Variants in REEP3 observed in about 807,000 individuals in gnomAD.
REEP3 encodes the protein receptor expression-enhancing protein 3.
In REEP3, 20 loss-of-function variants were observed where a neutral mutation model predicts 41.3. The ratio of observed to expected loss-of-function variants is 0.48; its 90% CI spans 0.34 to 0.70. REEP3 has a LOEUF of 0.70. Ranked by LOEUF, REEP3 falls within the 30% of genes least tolerant of loss-of-function variation. The pLI is 0.01. For missense variants in REEP3, 271 were observed against 308.8 expected (o/e 0.88, Z 0.92); for synonymous variants, 104 against 101.8 (o/e 1.02, Z -0.13).
intron 1 of REEP3, among the ~76,000 whole-genome samples, chr10:63,534,353 C>T (rs1955455160): frequency 6.6e-6 from 1 of 152,082 alleles, no homozygotes; most frequent in South Asian, 2.1e-4. Context: ...TGGGCTCCAG[C>T]GATCTTCCTG....
At chr10:63,612,790 C>CAA (rs759334481) in intron 6 of REEP3, among the ~76,000 whole-genome samples, 1 of 125,810 alleles carries the variant, frequency 7.9e-6, no homozygotes, top group Non-Finnish European at 1.7e-5. Flanking sequence ...GACTCCATCT[C>CAA]AAAAAAAAAA....
At chr10:63,555,261 T>C (rs1004842485) in intron 1 of REEP3, among the ~76,000 whole-genome samples, 3 of 152,202 alleles carry the variant, frequency 2.0e-5, no homozygotes, top group African/African-American at 7.2e-5. Context: ...TGTTGTTTTT[T>C]TCCCCATGGG....
In REEP3 at chr10:63,607,134, C is replaced by T. The variant is rs571961208; in HGVS notation, c.418-3053C>T. Among the ~76,000 whole-genome samples the T allele has an allele frequency of 7.9e-5, 12 of 152,222 alleles. No homozygotes were observed. The South Asian group carries it at 8.3e-4, about 11-fold the overall frequency. On this transcript the variant is annotated intron_variant, in intron 5 of 7. Transcript: ENST00000373758. Reference sequence around the variant, plus strand: ...GGTTACATTGGATACATGTAATTTACGTAATGTTTTCAAAGTCCACAATAT... The same window carrying T: ...GGTTACATTGGATACATGTAATTTATGTAATGTTTTCAAAGTCCACAATAT...
chr10:63,524,680 A>G (rs1263840046), intron 1 of REEP3, among the ~76,000 whole-genome samples: 1 of 152,102 alleles, frequency 6.6e-6, no homozygotes, highest in Non-Finnish European at 1.5e-5. Flanking sequence ...TCCTAGCCTC[A>G]AGTGATCCGC....
At chr10:63,535,733 G>A (rs1384668582) in intron 1 of REEP3, among the ~76,000 whole-genome samples, 2 of 151,818 alleles carry the variant, frequency 1.3e-5, no homozygotes, top group Non-Finnish European at 2.9e-5. Context: ...AAAATCAATG[G>A]GAAAGTATAC....
In REEP3 at chr10:63,624,605, A is replaced by T. The variant is rs1177871985; in HGVS notation, c.*3736A>T. On this transcript the variant is annotated 3_prime_UTR_variant, in exon 8 of 8. Transcript: ENST00000373758. ...CGCGTTTCTTTTTTTATGCCAGAGT[A>T]CATATGTTGGATTCCATGAATTGGT... is the stretch of plus-strand genomic sequence containing the variant. The T allele has an allele frequency of 6.6e-6, 1 of 152,126 alleles. No homozygotes were observed. The highest frequency in any genetic ancestry group is 1.5e-5 in the Non-Finnish European group (1 of 67,978). 9.4% of individuals were successfully genotyped at this position (152,126 alleles called of 1,614,324 possible).
chr10:63,543,965 C>T (rs1206299925), intron 1 of REEP3, among the ~76,000 whole-genome samples: 1 of 151,996 alleles, frequency 6.6e-6, no homozygotes, highest in African/African-American at 2.4e-5. Flanking sequence ...AACAACTTGC[C>T]CAAAGTCACA....
intron 2 of REEP3, among the ~76,000 whole-genome samples, chr10:63,568,369 C>T (rs921763927): frequency 1.5e-4 from 22 of 151,646 alleles, no homozygotes; most frequent in Admixed American, 2.6e-4. Context: ...CGGGTTCACG[C>T]CATTCTCCTG....
intron 1 of REEP3, among the ~76,000 whole-genome samples, chr10:63,555,270 G>A (rs1416835327): frequency 2.6e-5 from 4 of 151,882 alleles, no homozygotes; most frequent in Non-Finnish European, 2.9e-5. Flanking sequence ...TTTCCCCATG[G>A]GTTTGACTCT....
intron 1 of REEP3, among the ~76,000 whole-genome samples, chr10:63,559,635 T>C (rs1387295776): frequency 6.6e-6 from 1 of 152,218 alleles, no homozygotes; most frequent in Admixed American, 6.5e-5. Flanking sequence ...ACAAATTATA[T>C]GACCTTGGGT....
chr10:63,618,016 G>C (rs910972772), intron 6 of REEP3, among the ~76,000 whole-genome samples: 2 of 150,758 alleles, frequency 1.3e-5, no homozygotes, highest in African/African-American at 4.9e-5. Context: ...GTAGAGTCGG[G>C]TGTTTCACCA....
At chr10:63,566,264 A>G in intron 1 of REEP3, 74 bp from the exon 2 acceptor site, 4 of 768,222 alleles carry the variant, frequency 5.2e-6, no homozygotes, top group South Asian at 5.0e-5. Context: ...TTATTTGTTT[A>G]TTAGGTTAAA....
chr10:63,605,636 G>A (rs1475273839), intron 5 of REEP3, among the ~76,000 whole-genome samples: 1 of 152,204 alleles, frequency 6.6e-6, no homozygotes, highest in Non-Finnish European at 1.5e-5. Context: ...TAATGTTAAT[G>A]TAGTGTTTAA....
intron 5 of REEP3, among the ~76,000 whole-genome samples, chr10:63,603,115 C>T (rs1956188293): frequency 6.6e-6 from 1 of 151,446 alleles, no homozygotes; most frequent in South Asian, 2.1e-4. Flanking sequence ...AGATTGAGAC[C>T]ATCCTGGCTA....
At chr10:63,575,296 A>T (rs1453275492) in intron 2 of REEP3, among the ~76,000 whole-genome samples, 1 of 152,124 alleles carries the variant, frequency 6.6e-6, no homozygotes, top group Non-Finnish European at 1.5e-5. Flanking sequence ...TTTTCTCCCC[A>T]TTCAGGAAGC....
At chr10:63,564,968 A>G (rs1955783197) in intron 1 of REEP3, among the ~76,000 whole-genome samples, 1 of 152,204 alleles carries the variant, frequency 6.6e-6, no homozygotes, top group African/African-American at 2.4e-5. Context: ...GACATTGAGA[A>G]TAATACTGGC....
intron 1 of REEP3, among the ~76,000 whole-genome samples, chr10:63,531,936 A>T (rs1242851335): frequency 6.6e-6 from 1 of 152,228 alleles, no homozygotes; most frequent in Non-Finnish European, 1.5e-5. Flanking sequence ...AATCTTTATT[A>T]TTTCAAAATT....
intron 1 of REEP3, among the ~76,000 whole-genome samples, chr10:63,545,139 G>T (rs954450838): frequency 2.6e-5 from 4 of 152,070 alleles, no homozygotes; most frequent in Non-Finnish European, 5.9e-5. Context: ...ATTGTTTGTG[G>T]TGATTATGGG....
intron 2 of REEP3, among the ~76,000 whole-genome samples, chr10:63,585,106 G>T (rs978999818): frequency 4.6e-5 from 7 of 152,176 alleles, no homozygotes; most frequent in African/African-American, 1.7e-4. Flanking sequence ...GTGATAAACT[G>T]CTGCTTGCAG....
Sources: gnomAD v4.1 joint callset for allele counts (sites outside exome capture counted in the v4.1 genomes callset) on GRCh38, gnomAD v4.1.1 for gene constraint, MANE v1.5 for transcripts, NCBI Gene and HGNC (gene_info 2026-07-23, HGNC 2026-07-21) for gene names.